SHOX: variants seen among roughly 807,000 people sequenced by gnomAD.
SHOX encodes the protein short stature homeobox protein.
Under a neutral mutation model 29.6 loss-of-function variants are expected in SHOX, and 12 were observed. The observed-to-expected ratio is 0.41, with a 90% CI of 0.26 to 0.66. SHOX has a LOEUF of 0.66. SHOX is among the 30% of genes least tolerant of loss of function. SHOX has a pLI of 0.35. For synonymous variants in SHOX, 214 were observed against 200.6 expected, an observed-to-expected ratio of 1.07 and a Z score of -0.57; for missense variants, 499 against 437.7, an observed-to-expected ratio of 1.14 and a Z score of -1.25.
intron 2 of SHOX, among the ~76,000 whole-genome samples, chrX:637,127 T>G (rs1270707242): frequency 6.6e-6 from 1 of 151,782 alleles, no homozygotes; most frequent in Non-Finnish European, 1.5e-5. Context: ...CTTTGGTGAC[T>G]TGGAGGAAGG....
At chrX:652,553 G>T (rs1603290914), downstream of SHOX, among the ~76,000 whole-genome samples, 4 of 152,094 alleles carry the variant, frequency 2.6e-5, no homozygotes, top group South Asian at 6.2e-4. Context: ...GGGGCTCAGA[G>T]CCTGAGGACA....
At chrX:624,485 C>G (rs1160754431) in exon 1 of SHOX, 1 of 151,778 alleles carries the variant, frequency 6.6e-6, no homozygotes, top group East Asian at 1.9e-4. Flanking sequence ...GCGGATCAGA[C>G]GCCCAGGACG....
At chrX:652,571 C>T (rs2053083047), downstream of SHOX, among the ~76,000 whole-genome samples, 1 of 151,972 alleles carries the variant, frequency 6.6e-6, no homozygotes, top group Non-Finnish European at 1.5e-5. Context: ...ACAGGTGAGC[C>T]TCTCCGACAC....
chrX:639,577 C>A (rs182077597), intron 2 of SHOX, among the ~76,000 whole-genome samples: 1 of 152,206 alleles, frequency 6.6e-6, no homozygotes, highest in Non-Finnish European at 1.5e-5. Context: ...AGTTGGGGGG[C>A]GGGGCGCCCA....
intron 1 of SHOX, among the ~76,000 whole-genome samples, chrX:624,807 CTTCTTTCCTTCCTTCG>C (rs1252144634): frequency 7.1e-6 from 1 of 141,634 alleles, no homozygotes; most frequent in African/African-American, 2.8e-5. Flanking sequence ...AAAGCTTTGC[CTTCTTTCCTTCCTTCG>C]TTCTTTCCTT....
upstream of SHOX, chrX:630,552 C>A: frequency 4.6e-6 from 2 of 438,276 alleles, no homozygotes; most frequent in Admixed American, 3.8e-5. Flanking sequence ...CCCCCTCCTG[C>A]GCGCGCGCTC....
At chrX:624,718 T>TTTCTTTCTTTCTTTC (rs1569491588) in intron 1 of SHOX, 1 of 143,832 alleles carries the variant, frequency 7.0e-6, no homozygotes, top group Non-Finnish European at 1.5e-5. Context: ...TCTTTCTTTC[T>TTTCTTTCTTTCTTTC]TTCTTTCTTT....
rs2052991310 is a variant in SHOX, at chrX:648,300, G to A, written c.*3664G>A. Among the ~76,000 whole-genome samples the A allele has an allele frequency of 6.7e-6, 1 of 148,320 alleles. No homozygotes were observed. The highest frequency in any genetic ancestry group is 2.2e-4 in the South Asian group (1 of 4,518). Reference sequence around the variant, plus strand: ...TGGGATTACAGGCACCTGCCACCAGGCCTGGGTAACTTTCTGGTAGTTTTA... The same window carrying A: ...TGGGATTACAGGCACCTGCCACCAGACCTGGGTAACTTTCTGGTAGTTTTA... On this transcript the variant is annotated 3_prime_UTR_variant, in exon 5 of 5. Transcript: ENST00000686671.
rs377631773 is a variant in SHOX at position 650,700 on chromosome X, C to T, written c.*6064C>T. Among the ~76,000 whole-genome samples, 14 of 146,954 alleles carry T rather than the reference C, an allele frequency of 9.5e-5. No homozygotes were observed. Among genetic ancestry groups the T allele is most frequent in the African/African-American group, 3.3e-4 (13 of 39,920 alleles). ...ACACGGCAGCCACTCCCACGACACA[C>T]ATTTCGGAGGCACTTTGCTGGAAGC... On this transcript the variant is annotated 3_prime_UTR_variant, in exon 5 of 5. Coordinates refer to ENST00000686671, the MANE Select transcript of SHOX (RefSeq NM_000451.4).
rs774271562 is a variant in SHOX, at chrX:625,056, TTCC to T, written c.-433+458_-433+460del. Among the ~76,000 whole-genome samples the T allele has an allele frequency of 7.5e-3, 386 of 51,694 alleles. 6 individuals carry two copies. Among genetic ancestry groups the T allele is most frequent in the African/African-American group, 9.3e-3 (62 of 6,684 alleles). The allele number at this position is 51,694 out of a possible 152,430, so 33.9% of individuals were successfully genotyped here. ...TCCTTTCCTTTCCTCCCTCTGTTCCTTCCTCCCTCCCTCCCTCCTTCTCTCCCT... is the reference window on the plus strand; with the variant it reads ...TCCTTTCCTTTCCTCCCTCTGTTCCTTCCCTCCCTCCCTCCTTCTCTCCCT... On this transcript the variant is annotated intron_variant, in intron 1 of 5. Transcript: ENST00000334060.
At chrX:625,414 G>C (rs913857106) in intron 1 of SHOX, among the ~76,000 whole-genome samples, 17 of 151,902 alleles carry the variant, frequency 1.1e-4, no homozygotes, top group Admixed American at 5.3e-4. Context: ...AACAAGACAC[G>C]GTGAAAAGTC....
chrX:642,630 G>A (rs1465925569), intron 4 of SHOX, among the ~76,000 whole-genome samples: 2 of 152,276 alleles, frequency 1.3e-5, no homozygotes, highest in Non-Finnish European at 2.9e-5. Flanking sequence ...GTCTTTTGCC[G>A]ACGGCGGGAC....
intron 1 of SHOX, among the ~76,000 whole-genome samples, chrX:631,594 C>T (rs1009166495): frequency 3.0e-4 from 46 of 152,196 alleles, no homozygotes; most frequent in Non-Finnish European, 5.6e-4. Context: ...TGCAGTGGTG[C>T]GATCTCGGCT....
At chrX:624,516 G>T (rs1326382242) in exon 1 of SHOX, 4 of 152,144 alleles carry the variant, frequency 2.6e-5, no homozygotes, top group Non-Finnish European at 5.9e-5. Flanking sequence ...AGTCCGCACA[G>T]GGTTTGCGGG....
chrX:657,226 C>G, intron 5 of SHOX, among the ~76,000 whole-genome samples: 1 of 152,308 alleles, frequency 6.6e-6, no homozygotes, highest in Non-Finnish European at 1.5e-5. Context: ...GTGACCTCTT[C>G]AGAAAACCAA....
chrX:654,299 C>G (rs1285468860), downstream of SHOX, among the ~76,000 whole-genome samples: 4 of 151,694 alleles, frequency 2.6e-5, no homozygotes, highest in Non-Finnish European at 5.9e-5. Flanking sequence ...ACATATGTAA[C>G]AAACCTGCAC....
upstream of SHOX, among the ~76,000 whole-genome samples, chrX:630,000 G>C (rs769707372): frequency 1.3e-3 from 204 of 152,274 alleles, 1 homozygote; most frequent in African/African-American, 4.7e-3. Flanking sequence ...AGGAGGCCTC[G>C]CGCCGGGGTC....
In SHOX at chrX:651,412, G is replaced by GA. The variant is rs764885170; in HGVS notation, c.*6785dup. On this transcript the variant is annotated 3_prime_UTR_variant, in exon 5 of 5. Transcript: ENST00000686671. ...TAGAAAAAAAACAAACAAACAAACA[G>GA]AAAAAAAAACCAAAAAAAACCACCC... is the stretch of plus-strand genomic sequence containing the variant. The GA allele has an allele frequency of 2.1e-3, 382 of 184,918 alleles. 2 individuals are homozygous for GA. The highest frequency in any genetic ancestry group is 0.01 in the African/African-American group (168 of 16,376). 11.5% of individuals were successfully genotyped at this position (184,918 alleles called of 1,614,324 possible). A position where few individuals can be genotyped will look rare whatever the true frequency, so the allele number is the denominator to read the frequency against.
chrX:640,542 C>G (rs1312215598), intron 2 of SHOX, among the ~76,000 whole-genome samples: 2 of 152,016 alleles, frequency 1.3e-5, no homozygotes, highest in Non-Finnish European at 2.9e-5. Context: ...TGCCACTGCA[C>G]TCCAGCCTGG....
Sources: allele counts gnomAD v4.1 joint callset (sites outside exome capture counted in the v4.1 genomes callset), GRCh38; gene constraint gnomAD v4.1.1; transcripts MANE v1.5; gene names NCBI Gene and HGNC (gene_info 2026-07-23, HGNC 2026-07-21).